Variants in ANKRD12 observed in about 807,000 individuals in gnomAD.
ANKRD12 encodes the protein ankyrin repeat domain 12.
Under a neutral mutation model 183.4 loss-of-function variants are expected in ANKRD12, and 85 were observed. The ratio of observed to expected loss-of-function variants is 0.46; its 90% confidence interval spans 0.39 to 0.56. The LOEUF (loss-of-function observed/expected upper bound fraction) is 0.56. Among genes scored for constraint, ANKRD12 ranks in the 20% least tolerant of loss-of-function variants. The pLI is 0.00. For missense variants in ANKRD12, 2,405 were observed against 2,357.1 expected (o/e 1.02, Z -0.42); for synonymous variants, 914 against 800.2 (o/e 1.14, Z -2.40).
At position 9,257,336 on chromosome 18, in the gene ANKRD12, A is replaced by G; in HGVS notation, c.4069A>G (p.Arg1357Gly). Residue 1357 changes from arginine to glycine, a missense_variant, in exon 9 of 13, where the codon AGA becomes GGA. By Grantham distance (125) the Arg-to-Gly change is moderately radical. This residue lies in a region of ANKRD12 where 1,983 missense variants were observed against 1,725.9 expected (regional missense o/e 1.15). Coordinates refer to ENST00000262126, the MANE Select transcript of ANKRD12 (RefSeq NM_015208.5). ...TGAGGTATTCTCAAATGTGCCTGAAAGAGACCTTTCAAATGTATCTAACAT... is the reference window on the plus strand; with the variant it reads ...TGAGGTATTCTCAAATGTGCCTGAAGGAGACCTTTCAAATGTATCTAACAT... ...KPEVFSNVPE[R>G]DLSNVSNIHS... The G allele has an allele frequency of 1.2e-6, 2 of 1,614,174 alleles. No homozygotes were observed. The highest frequency in any genetic ancestry group is 1.7e-6 in the Non-Finnish European group (2 of 1,180,004).
At position 9,138,408 on chromosome 18, in the gene ANKRD12, G is replaced by A. The variant is rs536689972; in HGVS notation, c.-52+1443G>A. Among the ~76,000 whole-genome samples, 9 of 152,294 alleles carry A rather than the reference G, an allele frequency of 5.9e-5. No individual in the cohort carries two copies. The East Asian group carries it at 1.7e-3, about 29-fold the overall frequency. ...CATGTCTGTAATCCCAGCTACTTGG[G>A]AAGCCGAGGCAGGGGAATCGCTTGA... On this transcript the variant is annotated intron_variant, in intron 1 of 12. Transcript: ENST00000262126.
At chr18:9,277,134 C>T (rs2039879240) in intron 11 of ANKRD12, among the ~76,000 whole-genome samples, 1 of 151,972 alleles carries the variant, frequency 6.6e-6, no homozygotes, top group African/African-American at 2.4e-5. Context: ...TTCTTTCTCC[C>T]AAAACTCATT....
chr18:9,245,247 C>A (rs1035783762), intron 8 of ANKRD12, among the ~76,000 whole-genome samples: 1 of 150,204 alleles, frequency 6.7e-6, no homozygotes, highest in East Asian at 1.9e-4. Flanking sequence ...CCCAGGAGTT[C>A]GAGAGCAGCC....
chr18:9,173,688 C>T (rs969759777), intron 1 of ANKRD12, among the ~76,000 whole-genome samples: 1 of 151,912 alleles, frequency 6.6e-6, no homozygotes, highest in East Asian at 1.9e-4. Context: ...GTCTGGAGAT[C>T]CCCGTTAGGA....
At chr18:9,261,169 T>C (rs1003154444) in intron 9 of ANKRD12, among the ~76,000 whole-genome samples, 25 of 152,228 alleles carry the variant, frequency 1.6e-4, no homozygotes, top group Admixed American at 5.2e-4. Context: ...CCATGGTGTC[T>C]GTTCACACAG....
At chr18:9,166,988 G>T (rs988293628) in intron 1 of ANKRD12, among the ~76,000 whole-genome samples, 2 of 152,106 alleles carry the variant, frequency 1.3e-5, no homozygotes, top group African/African-American at 4.8e-5. Flanking sequence ...TTTCCCCATT[G>T]CTTGTTTTTC....
intron 1 of ANKRD12, among the ~76,000 whole-genome samples, chr18:9,161,576 C>T (rs1325627775): frequency 3.3e-5 from 5 of 151,736 alleles, no homozygotes; most frequent in African/African-American, 9.7e-5. Context: ...GGGGTTTCAC[C>T]GAGTTAGACC....
At chr18:9,259,566 C>T (rs1294097332) in intron 9 of ANKRD12, 3 of 152,054 alleles carry the variant, frequency 2.0e-5, no homozygotes, top group South Asian at 2.1e-4. Context: ...AAACAATTCT[C>T]GGGATATGTC....
At chr18:9,247,313 CAA>C (rs1401593209) in intron 8 of ANKRD12, among the ~76,000 whole-genome samples, 18 of 118,466 alleles carry the variant, frequency 1.5e-4, no homozygotes, top group South Asian at 2.7e-4. Context: ...TCATCTCTAC[CAA>C]AAAAAAAAAA....
At chr18:9,171,690 G>A (rs549613199) in intron 1 of ANKRD12, among the ~76,000 whole-genome samples, 2 of 152,256 alleles carry the variant, frequency 1.3e-5, no homozygotes, top group South Asian at 2.1e-4. Flanking sequence ...ATTAAGCTTA[G>A]TTTGGCTGGA....
At chr18:9,143,319 A>G (rs998521331) in intron 1 of ANKRD12, among the ~76,000 whole-genome samples, 4 of 152,106 alleles carry the variant, frequency 2.6e-5, no homozygotes, top group African/African-American at 2.4e-5. Context: ...ACTTTGAGAA[A>G]TTTTTTCTTG....
At chr18:9,251,992 G>C (rs1035337349) in intron 8 of ANKRD12, among the ~76,000 whole-genome samples, 4 of 152,028 alleles carry the variant, frequency 2.6e-5, no homozygotes, top group African/African-American at 4.8e-5. Context: ...TTAAATACAA[G>C]TTTAAATTTA....
chr18:9,220,983 A>G (rs1226465322), intron 7 of ANKRD12, among the ~76,000 whole-genome samples: 1 of 152,190 alleles, frequency 6.6e-6, no homozygotes, highest in Admixed American at 6.5e-5. Context: ...ATGTCTTTTC[A>G]GGAGATGGAC....
At chr18:9,279,890 A>G (rs968405815) in intron 12 of ANKRD12, among the ~76,000 whole-genome samples, 35 of 152,190 alleles carry the variant, frequency 2.3e-4, no homozygotes, top group African/African-American at 5.3e-4. Context: ...TTACTATCCA[A>G]TGTACCTGTC....
At position 9,263,846 on chromosome 18, in the gene ANKRD12, AGTT is replaced by A; in HGVS notation, c.5724_5726del (p.Val1909del). 6.5e-7 allele frequency: 1 copy of A among 1,536,930 alleles called. No individual in the cohort carries two copies. The highest frequency in any genetic ancestry group is 9.0e-7 in the Non-Finnish European group (1 of 1,116,288). On this transcript the variant is annotated inframe_deletion, in exon 10 of 13. Coordinates refer to ENST00000262126, the MANE Select transcript of ANKRD12 (RefSeq NM_015208.5). ...TTAAAGAGCTTTTTCGACAACAGGA[AGTT>A]GTAAGGATGAAACTACGTTTGCAAC...
At position 9,176,118 on chromosome 18, in the gene ANKRD12, C is replaced by T. The variant is rs73392354; in HGVS notation, c.-51-6264C>T. 4.1e-3 allele frequency among the ~76,000 whole-genome samples: 617 copies of T among 152,140 alleles called. 3 individuals are homozygous for T. Among genetic ancestry groups the T allele is most frequent in the African/African-American group, 0.014 (580 of 41,514 alleles). On this transcript the variant is annotated intron_variant, in intron 1 of 12. Transcript: ENST00000262126. The stretch of plus-strand genomic sequence containing the variant: ...TGCTGGTCTTGTTACTATAACTTAG[C>T]GTTAGTTTAGTGACATTGCTAAGAT...
intron 2 of ANKRD12, among the ~76,000 whole-genome samples, chr18:9,188,821 ATGT>A (rs1408278365): frequency 2.6e-5 from 4 of 152,214 alleles, no homozygotes; most frequent in African/African-American, 9.6e-5. Flanking sequence ...GGCAAGCTTA[ATGT>A]TGTATGTGTT....
At chr18:9,242,887 A>G (rs908518915) in intron 8 of ANKRD12, among the ~76,000 whole-genome samples, 5 of 152,192 alleles carry the variant, frequency 3.3e-5, no homozygotes, top group African/African-American at 9.7e-5. Flanking sequence ...AATACAATGA[A>G]AATAAGTTCT....
Position 9,227,562 on chromosome 18 carries a change from G to C in ANKRD12, c.943+5563G>C, listed in dbSNP as rs185245162. Among the ~76,000 whole-genome samples the C allele has an allele frequency of 2.0e-3, 303 of 152,298 alleles. 3 individuals carry two copies. The highest frequency in any genetic ancestry group is 7.5e-4 in the Non-Finnish European group (51 of 68,014). ...AGGTGTTAGGAGACAATTTGGAGCA[G>C]TTTTGTATTGACCAAAGATGGGACA... On this transcript the variant is annotated intron_variant, in intron 8 of 12. Coordinates refer to ENST00000262126, the MANE Select transcript of ANKRD12 (RefSeq NM_015208.5).
Sources: allele counts gnomAD v4.1 joint callset (sites outside exome capture counted in the v4.1 genomes callset), GRCh38; gene constraint gnomAD v4.1.1; regional missense constraint gnomAD v4.1.1; transcripts MANE v1.5; gene names NCBI Gene and HGNC (gene_info 2026-07-23, HGNC 2026-07-21).